EDARADD: variants seen among roughly 807,000 people sequenced by gnomAD.
EDARADD encodes ectodysplasin-A receptor-associated adapter protein.
EDARADD carries 20 observed loss-of-function variants against 25.6 expected under a neutral mutation model. The observed-to-expected ratio is 0.78, with a 90% CI of 0.55 to 1.14. EDARADD has a LOEUF of 1.14. Ranked by LOEUF, EDARADD falls within the 50% of genes most tolerant of loss-of-function variation. The probability of loss-of-function intolerance (pLI) is 0.00; values close to 1 mark genes in which losing one functional copy is unlikely to be tolerated. For synonymous variants in EDARADD, 86 were observed against 94.4 expected (o/e 0.91, Z 0.52); for missense variants, 225 against 270.1 (o/e 0.83, Z 1.17).
chr1:236,473,654 G>A (rs113242439), intron 5 of EDARADD, among the ~76,000 whole-genome samples: 25,711 of 152,060 alleles, frequency 0.17, 2,568 homozygotes, highest in Non-Finnish European at 0.22. Context: ...GCCCGGTGGC[G>A]TGCGCCTGTG....
chr1:236,396,854 A>T (rs557508428), intron 1 of EDARADD, among the ~76,000 whole-genome samples: 2 of 151,044 alleles, frequency 1.3e-5, no homozygotes, highest in South Asian at 4.2e-4. Flanking sequence ...ATCCCACTCC[A>T]CTCCTACCCT....
chr1:236,478,090 G>T (rs939866196), intron 5 of EDARADD, among the ~76,000 whole-genome samples: 5 of 151,870 alleles, frequency 3.3e-5, no homozygotes, highest in Admixed American at 2.0e-4. Context: ...ATAGCAGGAT[G>T]AGACTGTCTC....
chr1:236,419,745 A>G (rs565401201), intron 3 of EDARADD, among the ~76,000 whole-genome samples: 2 of 152,304 alleles, frequency 1.3e-5, no homozygotes, highest in African/African-American at 4.8e-5. Context: ...TCAGGCAAAG[A>G]CCACACTTTT....
intron 1 of EDARADD, among the ~76,000 whole-genome samples, chr1:236,403,337 G>A (rs1667649084): frequency 6.6e-6 from 1 of 152,090 alleles, no homozygotes; most frequent in African/African-American, 2.4e-5. Flanking sequence ...GACCAGGCTG[G>A]AGTGCAGTGG....
chr1:236,375,655 CAAAAAAAAAAAA>C (rs34232960), intron 3 of EDARADD, among the ~76,000 whole-genome samples: 1 of 74,560 alleles, frequency 1.3e-5, no homozygotes, highest in South Asian at 5.2e-4. Flanking sequence ...GACTTGGTCT[CAAAAAAAAAAAA>C]AAAAAAGATA....
chr1:236,381,319 T>C (rs1467532150), intron 3 of EDARADD, among the ~76,000 whole-genome samples: 1 of 151,904 alleles, frequency 6.6e-6, no homozygotes, highest in East Asian at 1.9e-4. Context: ...ATTTTTATTT[T>C]ATTTTATTTT....
intron 5 of EDARADD, among the ~76,000 whole-genome samples, chr1:236,473,975 T>A (rs1485052821): frequency 6.6e-6 from 1 of 152,170 alleles, no homozygotes; most frequent in Non-Finnish European, 1.5e-5. Flanking sequence ...GCATAAGACT[T>A]GGCAAAAATG....
upstream of EDARADD, among the ~76,000 whole-genome samples, chr1:236,390,700 T>C (rs1667411760): frequency 6.6e-6 from 1 of 152,144 alleles, no homozygotes; most frequent in East Asian, 1.9e-4. Flanking sequence ...GATTAAAGGG[T>C]CTCTCCCTGC....
intron 3 of EDARADD, among the ~76,000 whole-genome samples, chr1:236,360,762 G>A (rs540600897): frequency 1.3e-5 from 2 of 152,082 alleles, no homozygotes; most frequent in Non-Finnish European, 1.5e-5. Context: ...GCCCAGGGTG[G>A]TCTCAAACTC....
chr1:236,448,776 G>T (rs1275984364), intron 4 of EDARADD, among the ~76,000 whole-genome samples: 1 of 152,198 alleles, frequency 6.6e-6, no homozygotes, highest in East Asian at 1.9e-4. Flanking sequence ...CTGATACAGA[G>T]ATTGTGTAGA....
At chr1:236,409,862 C>G (rs1657400159) in intron 2 of EDARADD, among the ~76,000 whole-genome samples, 2 of 151,926 alleles carry the variant, frequency 1.3e-5, no homozygotes, top group African/African-American at 4.8e-5. Flanking sequence ...CCGTACCTGG[C>G]CTACTTGCCT....
At position 236,476,966 on chromosome 1, in the gene EDARADD, T is replaced by C. The variant is rs531639450; in HGVS notation, c.266-5301T>C. On this transcript the variant is annotated intron_variant, in intron 5 of 5. Coordinates refer to ENST00000334232, the MANE Select transcript of EDARADD (RefSeq NM_145861.4). Reference sequence around the variant, plus strand: ...ATAATTGCAGCACTGCACTCCAGCCTGGGCCATAGAGCAAGACCCTGTCTC... The same window carrying C: ...ATAATTGCAGCACTGCACTCCAGCCCGGGCCATAGAGCAAGACCCTGTCTC... Among the ~76,000 whole-genome samples the C allele has an allele frequency of 6.6e-5, 10 of 151,090 alleles. No individual in the cohort carries two copies. In the East Asian group the frequency reaches 1.6e-3, roughly 24 times the overall value.
chr1:236,402,847 T>G (rs1165106863), intron 1 of EDARADD, among the ~76,000 whole-genome samples: 1 of 152,232 alleles, frequency 6.6e-6, no homozygotes, highest in African/African-American at 2.4e-5. Context: ...AAAAAGGGGA[T>G]GCCTAATGCC....
chr1:236,475,120 C>T (rs1286653072), intron 5 of EDARADD, among the ~76,000 whole-genome samples: 2 of 151,716 alleles, frequency 1.3e-5, no homozygotes, highest in Admixed American at 6.6e-5. Flanking sequence ...GCAACAAGAG[C>T]GAGACTCCGT....
At chr1:236,372,750 G>T (rs890682121) in intron 3 of EDARADD, among the ~76,000 whole-genome samples, 5 of 151,926 alleles carry the variant, frequency 3.3e-5, no homozygotes, top group African/African-American at 9.7e-5. Flanking sequence ...TAGATAATAG[G>T]CTTATTCAAA....
chr1:236,375,758 A>G (rs996440782), intron 3 of EDARADD, among the ~76,000 whole-genome samples: 1 of 151,616 alleles, frequency 6.6e-6, no homozygotes, highest in Admixed American at 6.6e-5. Flanking sequence ...TTAGTGTTGC[A>G]TGCCTGTAGT....
chr1:236,380,828 A>G (rs1667287987), intron 3 of EDARADD, among the ~76,000 whole-genome samples: 1 of 152,110 alleles, frequency 6.6e-6, no homozygotes, highest in African/African-American at 2.4e-5. Context: ...GCCTCAAGTG[A>G]TCTTCTCGAC....
At chr1:236,382,465 A>G (rs1009035562) in intron 3 of EDARADD, among the ~76,000 whole-genome samples, 1 of 152,092 alleles carries the variant, frequency 6.6e-6, no homozygotes, top group African/African-American at 2.4e-5. Flanking sequence ...GTTTCAATTG[A>G]CCAGTTTTTC....
Position 236,484,769 on chromosome 1 carries a change from G to A in EDARADD, c.*2120G>A, listed in dbSNP as rs1481298671. 1 of 242,796 alleles carries A rather than the reference G, an allele frequency of 4.1e-6. No individual in the cohort carries two copies. Among genetic ancestry groups the A allele is most frequent in the African/African-American group, 2.3e-5 (1 of 43,782 alleles). The allele number at this position is 242,796 out of a possible 1,614,324, so 15.0% of individuals were successfully genotyped here. A position where few individuals can be genotyped will look rare whatever the true frequency, so the allele number is the denominator to read the frequency against. ...CAAGCTCCCTGGAGCCCTGTTGGCAGCTCTAGCCTTGCAGTCATGTAATTG... is the reference window on the plus strand; with the variant it reads ...CAAGCTCCCTGGAGCCCTGTTGGCAACTCTAGCCTTGCAGTCATGTAATTG... On this transcript the variant is annotated 3_prime_UTR_variant, in exon 6 of 6. Transcript: ENST00000334232. The surrounding 1 kb of genome is among the most constrained non-coding windows in gnomAD (Gnocchi z 4.1).
Sources: allele counts gnomAD v4.1 joint callset (sites outside exome capture counted in the v4.1 genomes callset), GRCh38; gene constraint gnomAD v4.1.1; non-coding constraint Gnocchi (gnomAD v3.1); transcripts MANE v1.5; gene names NCBI Gene and HGNC (gene_info 2026-07-23, HGNC 2026-07-21).